CCDC3: variants seen among roughly 807,000 people sequenced by gnomAD.
CCDC3 encodes coiled-coil domain containing 3.
A neutral mutation model predicts 21.4 loss-of-function variants in CCDC3; 24 were observed. That is an observed-to-expected ratio of 1.12 (90% CI 0.81 to 1.58). The LOEUF (loss-of-function observed/expected upper bound fraction) is 1.58. Ranked by LOEUF, CCDC3 falls within the 40% of genes most tolerant of loss-of-function variation. The pLI is 0.00. For missense variants in CCDC3, 425 were observed against 360.9 expected (o/e 1.18, Z -1.44); for synonymous variants, 186 against 166.0 (o/e 1.12, Z -0.93).
At chr10:13,082,672 G>C (rs1837057249) in intron 3 of CCDC3, among the ~76,000 whole-genome samples, 1 of 152,146 alleles carries the variant, frequency 6.6e-6, no homozygotes, top group African/African-American at 2.4e-5. Flanking sequence ...CTAAGTAACG[G>C]TTGCCTTCCC....
chr10:13,052,639 A>G (rs912613861), intron 4 of CCDC3, among the ~76,000 whole-genome samples: 5 of 151,978 alleles, frequency 3.3e-5, no homozygotes, highest in African/African-American at 1.2e-4. Flanking sequence ...AGTTCTACCA[A>G]TTAAAAAACC....
intron 2 of CCDC3, among the ~76,000 whole-genome samples, chr10:12,923,898 G>A (rs1371373310): frequency 6.6e-6 from 1 of 152,144 alleles, no homozygotes; most frequent in African/African-American, 2.4e-5. Context: ...ATCTGAACTC[G>A]ACACTCCAAC....
At chr10:12,924,766 T>A (rs1834507041) in intron 2 of CCDC3, 1 of 152,176 alleles carries the variant, frequency 6.6e-6, no homozygotes, top group South Asian at 2.1e-4. Flanking sequence ...TCAGGTGCAT[T>A]CAGGGTGCTA....
chr10:13,079,424 A>G (rs2131445814), intron 3 of CCDC3, among the ~76,000 whole-genome samples: 1 of 143,564 alleles, frequency 7.0e-6, no homozygotes, highest in African/African-American at 2.6e-5. Context: ...GAGCCAAGGA[A>G]GGGAACACTG....
At chr10:13,052,359 C>T (rs946965589) in intron 4 of CCDC3, among the ~76,000 whole-genome samples, 10 of 151,978 alleles carry the variant, frequency 6.6e-5, no homozygotes, top group Admixed American at 3.3e-4. Context: ...GGCAACAGAG[C>T]GAGACCCTAT....
At chr10:13,040,854 A>C (rs1236322160) in intron 5 of CCDC3, among the ~76,000 whole-genome samples, 2 of 152,196 alleles carry the variant, frequency 1.3e-5, no homozygotes, top group Admixed American at 1.3e-4. Context: ...ACGATGCTGG[A>C]GTCCTATCTA....
chr10:12,952,968 TTCAAAGAATA>T (rs2131249845), intron 2 of CCDC3, among the ~76,000 whole-genome samples: 1 of 152,260 alleles, frequency 6.6e-6, no homozygotes, highest in Admixed American at 6.5e-5. Flanking sequence ...GTTGATCTTA[TTCAAAGAATA>T]TCAAAGGAAG....
At chr10:13,017,083 T>C (rs1451769952) in intron 5 of CCDC3, among the ~76,000 whole-genome samples, 3 of 152,046 alleles carry the variant, frequency 2.0e-5, no homozygotes, top group Non-Finnish European at 4.4e-5. Context: ...GGAGGTATCA[T>C]AGCACTCTGT....
intron 5 of CCDC3, among the ~76,000 whole-genome samples, chr10:13,018,808 C>T (rs1317406760): frequency 6.6e-6 from 1 of 151,836 alleles, no homozygotes; most frequent in African/African-American, 2.4e-5. Context: ...GTGGTGAGTG[C>T]TTCTAATCTC....
chr10:12,908,468 A>G (rs1712632310), intron 2 of CCDC3, among the ~76,000 whole-genome samples: 1 of 152,144 alleles, frequency 6.6e-6, no homozygotes, highest in Non-Finnish European at 1.5e-5. Flanking sequence ...TTTTGCAAAC[A>G]TTTTATCTAG....
chr10:12,922,699 T>C (rs1834471023), intron 2 of CCDC3, among the ~76,000 whole-genome samples: 1 of 152,140 alleles, frequency 6.6e-6, no homozygotes, highest in African/African-American at 2.4e-5. Context: ...AGGATGTTTA[T>C]GTTTTCCCCG....
chr10:12,951,543 C>T lies in CCDC3; in HGVS notation c.549+46795G>A, dbSNP rs181046720. On this transcript the variant is annotated intron_variant, in intron 2 of 2. Transcript: ENST00000378825. ...CAGTTTTGTGACACTCTGTGGCTCA[C>T]GCCTGTAATCCCAGCACTTTGGGAG... Among the ~76,000 whole-genome samples the T allele has an allele frequency of 7.2e-5, 11 of 152,150 alleles. No individual in the cohort carries two copies. The East Asian group carries it at 9.7e-4, about 13-fold the overall frequency.
intron 2 of CCDC3, among the ~76,000 whole-genome samples, chr10:12,925,239 G>GAGGGGTGCTGAGA (rs1406536918): frequency 6.6e-6 from 1 of 152,174 alleles, no homozygotes; most frequent in Non-Finnish European, 1.5e-5. Flanking sequence ...GAATATGAAG[G>GAGGGGTGCTGAGA]AGGGGTGCTG....
At position 12,898,761 on chromosome 10, in the gene CCDC3, C is replaced by T. The variant is rs1438523353; in HGVS notation, c.550-82G>A. ...GCCAGGGGAGTCCCAGAAGCTTCCC[C>T]GAGTGCTGACAGCAACACAGACCCC... On this transcript the variant is annotated intron_variant, in intron 2 of 2. Transcript: ENST00000378825. 1.8e-5 allele frequency: 27 copies of T among 1,507,494 alleles called. 1 individual carries two copies. In the East Asian group the frequency reaches 4.7e-4, roughly 26 times the overall value. 93.4% of individuals were successfully genotyped at this position (1,507,494 alleles called of 1,614,324 possible). A position where few individuals can be genotyped will look rare whatever the true frequency, so the allele number is the denominator to read the frequency against.
intron 3 of CCDC3, among the ~76,000 whole-genome samples, chr10:13,090,034 G>GATATATAGATAT (rs1554766807): frequency 1.5e-5 from 2 of 129,168 alleles, no homozygotes; most frequent in East Asian, 2.2e-4. Context: ...TATTCCGTTA[G>GATATATAGATAT]ATATATATAT....
At chr10:12,910,611 A>ATT (rs11320030) in intron 2 of CCDC3, among the ~76,000 whole-genome samples, 35 of 105,212 alleles carry the variant, frequency 3.3e-4, no homozygotes, top group South Asian at 6.6e-4. Flanking sequence ...AAAAAAAAAA[A>ATT]TTTTTTTTTT....
At chr10:13,013,039 T>C (rs1481554737) in intron 5 of CCDC3, among the ~76,000 whole-genome samples, 1 of 152,212 alleles carries the variant, frequency 6.6e-6, no homozygotes, top group African/African-American at 2.4e-5. Context: ...ATTTCCAAAA[T>C]TTTTCTGGTA....
At chr10:12,992,695 G>C (rs943116075) in intron 2 of CCDC3, among the ~76,000 whole-genome samples, 17 of 151,768 alleles carry the variant, frequency 1.1e-4, no homozygotes, top group African/African-American at 4.1e-4. Context: ...CTACACACTG[G>C]GTACAGTATA....
chr10:12,909,496 C>T (rs1176277965), intron 2 of CCDC3, among the ~76,000 whole-genome samples: 5 of 152,168 alleles, frequency 3.3e-5, no homozygotes, highest in African/African-American at 4.8e-5. Flanking sequence ...CACTGTGTCC[C>T]CCATCAGCTC....
Sources: gnomAD v4.1 joint callset for allele counts (sites outside exome capture counted in the v4.1 genomes callset) on GRCh38, gnomAD v4.1.1 for gene constraint, MANE v1.5 for transcripts, NCBI Gene and HGNC (gene_info 2026-07-23, HGNC 2026-07-21) for gene names.